Variants in MYT1L observed in about 807,000 individuals in gnomAD.
MYT1L encodes the protein myelin transcription factor 1 like.
In MYT1L, 12 loss-of-function variants were observed where a neutral mutation model predicts 126.7. The ratio of observed to expected loss-of-function variants is 0.09; its 90% CI spans 0.06 to 0.15. The LOEUF (loss-of-function observed/expected upper bound fraction) is 0.15, where lower values mean the gene tolerates loss of function less well. Ranked by LOEUF, MYT1L falls within the 10% of genes least tolerant of loss-of-function variation. The probability of loss-of-function intolerance (pLI) is 1.00; values close to 1 mark genes in which losing one functional copy is unlikely to be tolerated. For missense variants in MYT1L, 979 were observed against 1,585.2 expected, an observed-to-expected ratio of 0.62 and a Z score of 6.49; for synonymous variants, 541 against 604.2, an observed-to-expected ratio of 0.90 and a Z score of 1.53.
At chr2:1,882,335 C>G (rs1168430487) in intron 18 of MYT1L, among the ~76,000 whole-genome samples, 1 of 152,100 alleles carries the variant, frequency 6.6e-6, no homozygotes, top group Non-Finnish European at 1.5e-5. Flanking sequence ...CATTCACGCG[C>G]ATGGCTGATC....
At chr2:1,950,504 G>T (rs2057647478) in intron 8 of MYT1L, among the ~76,000 whole-genome samples, 1 of 151,874 alleles carries the variant, frequency 6.6e-6, no homozygotes, top group South Asian at 2.1e-4. Flanking sequence ...AGATGGGTGT[G>T]GGACAGGGAG....
At chr2:2,184,664 T>G (rs1194179320) in intron 2 of MYT1L, among the ~76,000 whole-genome samples, 1 of 152,164 alleles carries the variant, frequency 6.6e-6, no homozygotes, top group Admixed American at 6.5e-5. Flanking sequence ...CGCCTAAGCC[T>G]CCCCGCACCG....
chr2:2,077,445 C>A (rs1643409), intron 3 of MYT1L, among the ~76,000 whole-genome samples: 3,734 of 152,010 alleles, frequency 0.025, 115 homozygotes, highest in African/African-American at 0.073. Context: ...TTGAAAGTTG[C>A]AAGATAAAAA....
At chr2:1,799,976 T>G (rs113419129) in intron 23 of MYT1L, among the ~76,000 whole-genome samples, 7,041 of 152,258 alleles carry the variant, frequency 0.046, 204 homozygotes, top group South Asian at 0.1. Flanking sequence ...CCTTCTGCCA[T>G]GATTGTAAAT....
At chr2:2,279,128 A>G (rs1314744714) in intron 2 of MYT1L, among the ~76,000 whole-genome samples, 2 of 152,084 alleles carry the variant, frequency 1.3e-5, no homozygotes, top group Non-Finnish European at 2.9e-5. Context: ...TCCTCAATGG[A>G]TCTTTGTTTT....
intron 3 of MYT1L, among the ~76,000 whole-genome samples, chr2:2,138,611 G>A (rs1169393025): frequency 4.5e-5 from 6 of 133,550 alleles, no homozygotes; most frequent in South Asian, 2.7e-4. Flanking sequence ...ACCAAACACC[G>A]CATATTCTCA....
chr2:2,081,438 G>A (rs2150317743), intron 3 of MYT1L, among the ~76,000 whole-genome samples: 1 of 152,268 alleles, frequency 6.6e-6, no homozygotes, highest in Non-Finnish European at 1.5e-5. Flanking sequence ...TTTCTCAATG[G>A]TACTGATATG....
chr2:2,105,311 T>C (rs1362841032), intron 3 of MYT1L, among the ~76,000 whole-genome samples: 1 of 152,150 alleles, frequency 6.6e-6, no homozygotes, highest in African/African-American at 2.4e-5. Flanking sequence ...GAATCAGAGA[T>C]ACTAGGAGGA....
At chr2:2,278,672 C>T (rs2095402999) in intron 2 of MYT1L, among the ~76,000 whole-genome samples, 1 of 152,080 alleles carries the variant, frequency 6.6e-6, no homozygotes, top group Non-Finnish European at 1.5e-5. Flanking sequence ...CTTAAGAAAT[C>T]AACAGTAATT....
chr2:2,087,115 A>G (rs976479334), intron 3 of MYT1L, among the ~76,000 whole-genome samples: 16 of 152,264 alleles, frequency 1.1e-4, no homozygotes, highest in African/African-American at 3.4e-4. Context: ...TCCCCGTGAC[A>G]CCACGGTCAG....
At chr2:2,231,900 T>A (rs2094171805) in intron 2 of MYT1L, among the ~76,000 whole-genome samples, 1 of 152,200 alleles carries the variant, frequency 6.6e-6, no homozygotes, top group Non-Finnish European at 1.5e-5. Flanking sequence ...AGATTCTGGT[T>A]TGGTTTGATC....
intron 1 of MYT1L, among the ~76,000 whole-genome samples, chr2:2,292,795 G>C (rs2095618618): frequency 6.6e-6 from 1 of 152,132 alleles, no homozygotes; most frequent in South Asian, 2.1e-4. Context: ...TGGATAAACT[G>C]TATCTGACAA....
chr2:2,295,164 A>G (rs987210613), intron 1 of MYT1L, among the ~76,000 whole-genome samples: 1 of 152,182 alleles, frequency 6.6e-6, no homozygotes, highest in Non-Finnish European at 1.5e-5. Context: ...GGAGCTCAGG[A>G]AAGAGGAAGC....
Position 2,168,273 on chromosome 2 carries a change from T to C in MYT1L, c.-304+4599A>G, listed in dbSNP as rs545745719. 2.6e-5 allele frequency among the ~76,000 whole-genome samples: 4 copies of C among 152,288 alleles called. No homozygotes were observed. The South Asian group carries it at 8.3e-4, about 32-fold the overall frequency. On this transcript the variant is annotated intron_variant, in intron 3 of 24. Coordinates refer to ENST00000647738, the MANE Select transcript of MYT1L (RefSeq NM_001303052.2). ...GACGGAAGTTTGTGTGATGAGGGTGTGCATTGTGTTTCATTTAAAAGAGTA... is the reference window on the plus strand; with the variant it reads ...GACGGAAGTTTGTGTGATGAGGGTGCGCATTGTGTTTCATTTAAAAGAGTA...
intron 24 of MYT1L, 76 bp from the exon 25 acceptor site, chr2:1,792,083 A>T: frequency 7.8e-7 from 1 of 1,287,904 alleles, no homozygotes; most frequent in African/African-American, 1.5e-5. Flanking sequence ...ATAAAATAGT[A>T]TCATAGCATA....
intron 2 of MYT1L, among the ~76,000 whole-genome samples, chr2:2,234,347 A>G (rs1422913700): frequency 6.6e-6 from 1 of 152,254 alleles, no homozygotes; most frequent in Non-Finnish European, 1.5e-5. Flanking sequence ...CAGAATAAAG[A>G]CAGTGAAGAC....
rs187419639 is a variant in MYT1L at position 2,077,266 on chromosome 2, G to C, written c.-303-23143C>G. On this transcript the variant is annotated intron_variant, in intron 3 of 24. Coordinates refer to ENST00000647738, the MANE Select transcript of MYT1L (RefSeq NM_001303052.2). The stretch of plus-strand genomic sequence containing the variant: ...GATTCAGAAGAAGAGAAGAAAAGGG[G>C]GGACAAAATTATTTGAAGAAATAAT... 8.5e-5 allele frequency among the ~76,000 whole-genome samples: 13 copies of C among 152,150 alleles called. No homozygotes were observed. In the East Asian group the frequency reaches 2.3e-3, roughly 27 times the overall value.
intron 21 of MYT1L, among the ~76,000 whole-genome samples, chr2:1,838,765 G>A (rs938485101): frequency 3.3e-5 from 5 of 152,180 alleles, no homozygotes; most frequent in Non-Finnish European, 2.9e-5. Flanking sequence ...AGGAGCCACC[G>A]TGCCAAATGC....
intron 2 of MYT1L, among the ~76,000 whole-genome samples, chr2:2,219,906 T>G (rs2093806097): frequency 6.6e-6 from 1 of 152,114 alleles, no homozygotes; most frequent in Admixed American, 6.6e-5. Context: ...TATGTTCAAG[T>G]GCTATTTCTT....
Sources: gnomAD v4.1 joint callset for allele counts (sites outside exome capture counted in the v4.1 genomes callset) on GRCh38, gnomAD v4.1.1 for gene constraint, MANE v1.5 for transcripts, NCBI Gene and HGNC (gene_info 2026-07-23, HGNC 2026-07-21) for gene names.